SPTBN4: variants seen among roughly 807,000 people sequenced by gnomAD.
SPTBN4 encodes spectrin beta, non-erythrocytic 4, also known as spectrin beta chain, non-erythrocytic 4.
SPTBN4 carries 96 observed loss-of-function variants against 277.8 expected under a neutral mutation model. The ratio of observed to expected loss-of-function variants is 0.35; its 90% CI spans 0.29 to 0.41. SPTBN4 has a LOEUF of 0.41. Ranked by LOEUF, SPTBN4 falls within the 10% of genes least tolerant of loss-of-function variation. The pLI, the probability that SPTBN4 is intolerant of heterozygous loss-of-function variation, is 1.00. For synonymous variants in SPTBN4, 1,481 were observed against 1,580.3 expected (o/e 0.94, Z 1.49); for missense variants, 3,006 against 3,595.7 (o/e 0.84, Z 4.19).
At chr19:40,542,497 C>G (rs2080813112) in intron 20 of SPTBN4, among the ~76,000 whole-genome samples, 1 of 152,144 alleles carries the variant, frequency 6.6e-6, no homozygotes, top group Non-Finnish European at 1.5e-5. Flanking sequence ...GCCACAGGCT[C>G]CTGCTTGGAG....
In SPTBN4 at chr19:40,513,092, G is replaced by T; in HGVS notation, c.2303G>T (p.Arg768Leu). 7.0e-7 allele frequency: 1 copy of T among 1,420,248 alleles called. No homozygotes were observed. The highest frequency in any genetic ancestry group is 9.1e-7 in the Non-Finnish European group (1 of 1,094,430). 88.0% of individuals were successfully genotyped at this position (1,420,248 alleles called of 1,614,324 possible). The stretch of plus-strand genomic sequence containing the variant: ...GAGGCGGCGGCGCGGCGAGAGCGGC[G>T]GCTGCAGGAGGCGCGGGCGCTGCAC... Reference protein sequence around the residue: ...LEEAAARRERRLQEARALHQF... With the variant: ...LEEAAARRERLLQEARALHQF... Residue 768 changes from arginine to leucine, a missense_variant, in exon 14 of 36, where the codon CGG (arginine) becomes CTG (leucine). This residue lies in a region of SPTBN4 where 1,759 missense variants were observed against 2,061.5 expected (regional missense o/e 0.85). Coordinates refer to ENST00000598249, the MANE Select transcript of SPTBN4 (RefSeq NM_020971.3).
At chr19:40,467,974 A>C (rs756637584) in intron 1 of SPTBN4, among the ~76,000 whole-genome samples, 16 of 152,308 alleles carry the variant, frequency 1.1e-4, no homozygotes, top group Non-Finnish European at 2.1e-4. Flanking sequence ...GAAGAATAAT[A>C]GCAAGGAACA....
intron 22 of SPTBN4, among the ~76,000 whole-genome samples, chr19:40,550,606 G>A (rs902428162): frequency 9.3e-5 from 14 of 150,716 alleles, no homozygotes; most frequent in African/African-American, 2.9e-4. Flanking sequence ...GAGTTCAAGC[G>A]ATTCTCCTGC....
rs1218769198 is a variant in SPTBN4, at chr19:40,467,186, C to A, written c.-135C>A. 1 of 149,092 alleles carries A rather than the reference C, an allele frequency of 6.7e-6. No homozygotes were observed. Among genetic ancestry groups the A allele is most frequent in the African/African-American group, 2.4e-5 (1 of 40,852 alleles). 9.2% of individuals were successfully genotyped at this position (149,092 alleles called of 1,614,324 possible). ...CGGATCTGGCTGAGCCGCGGGCCGGCGGGGCCGAGCTGAGCCGGGCTGGGC... is the reference window on the plus strand; with the variant it reads ...CGGATCTGGCTGAGCCGCGGGCCGGAGGGGCCGAGCTGAGCCGGGCTGGGC... On this transcript the variant is annotated 5_prime_UTR_variant, in exon 1 of 36. Coordinates refer to ENST00000598249, the MANE Select transcript of SPTBN4 (RefSeq NM_020971.3).
chr19:40,480,344 C>T (rs547168793), intron 2 of SPTBN4, among the ~76,000 whole-genome samples: 3 of 152,038 alleles, frequency 2.0e-5, no homozygotes, highest in African/African-American at 2.4e-5. Flanking sequence ...TGCTTGAGCC[C>T]GAGTTCCAGG....
At chr19:40,476,733 G>T (rs1463265068) in intron 2 of SPTBN4, among the ~76,000 whole-genome samples, 1 of 151,890 alleles carries the variant, frequency 6.6e-6, no homozygotes, top group Non-Finnish European at 1.5e-5. Context: ...GACTACAGGC[G>T]CCTGCCACCA....
In SPTBN4 at chr19:40,523,582, G is replaced by C; in HGVS notation, c.3800G>C (p.Arg1267Thr). ...VAVQAAEGLLRQGNIYGEQAQ... is the reference protein window; with the variant it reads ...VAVQAAEGLLTQGNIYGEQAQ... ...GTGCAGGCTGCAGAGGGCCTGCTGA[G>C]GCAGGGCAACATCTACGGGGAGCAG... is the stretch of plus-strand genomic sequence containing the variant. Residue 1267 changes from arginine to threonine, a missense_variant, in exon 17 of 36, where the codon AGG becomes ACG. Arg to Thr is a moderately conservative substitution (Grantham distance 71, BLOSUM62 -1). Transcript: ENST00000598249. The C allele has an allele frequency of 1.9e-6, 3 of 1,614,186 alleles. No homozygotes were observed. The highest frequency in any genetic ancestry group is 1.7e-6 in the Non-Finnish European group (2 of 1,180,038).
Position 40,497,592 on chromosome 19 carries a change from C to T in SPTBN4, c.772C>T (p.Leu258=). The T allele has an allele frequency of 1.2e-6, 2 of 1,613,720 alleles. No individual in the cohort carries two copies. Among genetic ancestry groups the T allele is most frequent in the Non-Finnish European group, 1.7e-6 (2 of 1,179,966 alleles). The change falls in exon 7 of 36, where the codon CTG becomes TTG. Residue 258 remains leucine, a synonymous_variant. Coordinates refer to ENST00000598249, the MANE Select transcript of SPTBN4 (RefSeq NM_020971.3). The part of the protein sequence containing the change: ...AEQHLGLARL[L]DPEDVNMEAP... ...GCAGCACCTGGGGCTGGCGCGGCTG[C>T]TGGATCCTGAAGGTGAGCCTCTCGC...
At chr19:40,500,354 A>AT (rs1432273973) in intron 7 of SPTBN4, among the ~76,000 whole-genome samples, 1 of 152,208 alleles carries the variant, frequency 6.6e-6, no homozygotes, top group Non-Finnish European at 1.5e-5. Flanking sequence ...AAGCTAGGTT[A>AT]TTTTCTAAGG....
intron 16 of SPTBN4, among the ~76,000 whole-genome samples, chr19:40,521,469 G>A (rs1175823569): frequency 6.6e-6 from 1 of 152,122 alleles, no homozygotes; most frequent in Admixed American, 6.5e-5. Context: ...GTGACATCTA[G>A]GGGTGATGGG....
chr19:40,548,291 C>T (rs1002770491), intron 20 of SPTBN4, among the ~76,000 whole-genome samples: 1 of 152,130 alleles, frequency 6.6e-6, no homozygotes, highest in African/African-American at 2.4e-5. Flanking sequence ...AGTTTGAGAC[C>T]AGCCTGACCA....
intron 20 of SPTBN4, among the ~76,000 whole-genome samples, chr19:40,546,008 C>A (rs2092063997): frequency 6.7e-6 from 1 of 148,288 alleles, no homozygotes; most frequent in African/African-American, 2.5e-5. Flanking sequence ...CAAGATAGCA[C>A]CATTGCACTC....
At chr19:40,505,382 CAAAAAAA>C (rs1209780246) in intron 12 of SPTBN4, among the ~76,000 whole-genome samples, 1 of 55,864 alleles carries the variant, frequency 1.8e-5, no homozygotes, top group African/African-American at 7.3e-5. Flanking sequence ...GACCCTGTCT[CAAAAAAA>C]AAAAAAAAAA....
At chr19:40,492,305 G>T (rs1276954844) in intron 4 of SPTBN4, among the ~76,000 whole-genome samples, 2 of 152,082 alleles carry the variant, frequency 1.3e-5, no homozygotes, top group African/African-American at 4.8e-5. Flanking sequence ...GGGAGAAGGA[G>T]CAGGTTTGAG....
At position 40,503,994 on chromosome 19, in the gene SPTBN4, G is replaced by A. The variant is rs1184667480; in HGVS notation, c.1527G>A (p.Gln509=). The change falls in exon 12 of 36, where the codon CAG becomes CAA. Residue 509 remains glutamine (Q), a synonymous_variant. Transcript: ENST00000598249. ...GYYDIRRVAA[Q]RDSVLRQWAL... ...ACGATATCCGGCGGGTGGCAGCCCAGCGTGACAGCGTCCTGCGCCAGTGGG... is the reference window on the plus strand; with the variant it reads ...ACGATATCCGGCGGGTGGCAGCCCAACGTGACAGCGTCCTGCGCCAGTGGG... 6.2e-7 allele frequency: 1 copy of A among 1,614,000 alleles called. No homozygotes were observed. Among genetic ancestry groups the A allele is most frequent in the Admixed American group, 1.7e-5 (1 of 60,012 alleles).
At chr19:40,513,815 A>C (rs946523521) in intron 14 of SPTBN4, among the ~76,000 whole-genome samples, 1 of 152,122 alleles carries the variant, frequency 6.6e-6, no homozygotes, top group African/African-American at 2.4e-5. Context: ...CAGAATACGA[A>C]GCAAATGCCT....
rs1568748198 is a variant in SPTBN4 at position 40,469,543 on chromosome 19, G to A, written c.-16+2238G>A. ...CTCCCAAAGTGCTAGGATTACAGGT[G>A]TGAGCCACCACGCCCAGCCGTTAGT... is the stretch of plus-strand genomic sequence containing the variant. On this transcript the variant is annotated intron_variant, in intron 1 of 35. Coordinates refer to ENST00000598249, the MANE Select transcript of SPTBN4 (RefSeq NM_020971.3). Among the ~76,000 whole-genome samples, 4 of 152,052 alleles carry A rather than the reference G, an allele frequency of 2.6e-5. No homozygotes were observed. In the South Asian group the frequency reaches 8.3e-4, roughly 32 times the overall value.
chr19:40,512,201 C>G (rs2080398497), intron 13 of SPTBN4, among the ~76,000 whole-genome samples: 1 of 152,196 alleles, frequency 6.6e-6, no homozygotes. Context: ...CTCAAATATA[C>G]AGAATCTGAG....
intron 2 of SPTBN4, among the ~76,000 whole-genome samples, chr19:40,474,291 G>A (rs1309988855): frequency 6.6e-6 from 1 of 151,528 alleles, no homozygotes; most frequent in Non-Finnish European, 1.5e-5. Context: ...GAACCTTTGG[G>A]ACTTGATAAT....
Sources: allele counts gnomAD v4.1 joint callset (sites outside exome capture counted in the v4.1 genomes callset), GRCh38; gene constraint gnomAD v4.1.1; regional missense constraint gnomAD v4.1.1; transcripts MANE v1.5; gene names NCBI Gene and HGNC (gene_info 2026-07-23, HGNC 2026-07-21).